FAM81A: variants seen among roughly 807,000 people sequenced by gnomAD.
FAM81A encodes protein FAM81A.
FAM81A carries 19 observed loss-of-function variants against 46.7 expected under a neutral mutation model. The ratio of observed to expected loss-of-function variants is 0.41; its 90% confidence interval spans 0.28 to 0.60. The LOEUF (loss-of-function observed/expected upper bound fraction) is 0.60. Among genes scored for constraint, FAM81A ranks in the 20% least tolerant of loss-of-function variants. FAM81A has a pLI of 0.34. For synonymous variants in FAM81A, 183 were observed against 152.9 expected, an observed-to-expected ratio of 1.20 and a Z score of -1.45; for missense variants, 377 against 453.5, an observed-to-expected ratio of 0.83 and a Z score of 1.53.
At position 59,492,258 on chromosome 15, in the gene FAM81A, T is replaced by C. The variant is rs759779199; in HGVS notation, c.295-13T>C. On this transcript the variant is annotated splice_polypyrimidine_tract_variant and intron_variant, in intron 3 of 8. Coordinates refer to ENST00000288228, the MANE Select transcript of FAM81A (RefSeq NM_152450.3). Reference sequence around the variant, plus strand: ...TCTTAGATGACTCCCTTAGTGTTTTTTATGTTGCCCAGGTACTCCAGGAGC... The same window carrying C: ...TCTTAGATGACTCCCTTAGTGTTTTCTATGTTGCCCAGGTACTCCAGGAGC... 1.9e-6 allele frequency: 3 copies of C among 1,595,410 alleles called. No individual in the cohort carries two copies. The Admixed American group carries it at 5.1e-5, about 27-fold the overall frequency.
chr15:59,452,894 C>G (rs2081436310), intron 1 of FAM81A, among the ~76,000 whole-genome samples: 1 of 152,084 alleles, frequency 6.6e-6, no homozygotes, highest in Non-Finnish European at 1.5e-5. Flanking sequence ...TCCTAAGTAG[C>G]TGGGACTGCA....
chr15:59,429,604 G>C (rs1226614163), intron 2 of FAM81A, among the ~76,000 whole-genome samples: 1 of 152,168 alleles, frequency 6.6e-6, no homozygotes, highest in Non-Finnish European at 1.5e-5. Flanking sequence ...GAGTCAAATT[G>C]ATTATGTTAA....
At chr15:59,508,199 T>G (rs1037111238) in intron 5 of FAM81A, among the ~76,000 whole-genome samples, 7 of 152,252 alleles carry the variant, frequency 4.6e-5, no homozygotes, top group Admixed American at 3.9e-4. Flanking sequence ...TAAGCTTCTT[T>G]ATAGCCAGGC....
At position 59,460,429 on chromosome 15, in the gene FAM81A, AT is replaced by A. The variant is rs2081538159; in HGVS notation, c.294+224del. 3.1e-6 allele frequency: 2 copies of A among 655,516 alleles called. No homozygotes were observed. Among genetic ancestry groups the A allele is most frequent in the Non-Finnish European group, 5.4e-6 (2 of 370,380 alleles). 40.6% of individuals were successfully genotyped at this position (655,516 alleles called of 1,614,324 possible). A position where few individuals can be genotyped will look rare whatever the true frequency, so the allele number is the denominator to read the frequency against. On this transcript the variant is annotated intron_variant, in intron 3 of 8. Transcript: ENST00000288228. The surrounding 1 kb of genome is among the most constrained non-coding windows in gnomAD (Gnocchi z 4.4). The stretch of plus-strand genomic sequence containing the variant: ...ACAGTTACTGTTAGTGTTATGTTTA[AT>A]CTAAATTTACCTTGCTGATTATTAA...
chr15:59,468,773 T>C (rs1370666884), intron 3 of FAM81A, among the ~76,000 whole-genome samples: 5 of 152,232 alleles, frequency 3.3e-5, no homozygotes, highest in Admixed American at 3.3e-4. Flanking sequence ...ATGTGTTTGC[T>C]CTTGCTTCTC....
intron 6 of FAM81A, among the ~76,000 whole-genome samples, chr15:59,509,434 C>T (rs1018322876): frequency 6.6e-6 from 1 of 152,136 alleles, no homozygotes; most frequent in Non-Finnish European, 1.5e-5. Context: ...GAATATATTA[C>T]CTTATATGGC....
intron 2 of FAM81A, among the ~76,000 whole-genome samples, chr15:59,427,545 C>T (rs1384886545): frequency 6.6e-6 from 1 of 152,036 alleles, no homozygotes; most frequent in South Asian, 2.1e-4. Flanking sequence ...CACACTGCCC[C>T]GCTAGGCCCC....
chr15:59,445,702 A>G (rs1450211854), intron 1 of FAM81A: 2 of 152,212 alleles, frequency 1.3e-5, no homozygotes, highest in Non-Finnish European at 2.9e-5. Flanking sequence ...AGTCACCACC[A>G]GCATTCTGTC....
intron 8 of FAM81A, among the ~76,000 whole-genome samples, chr15:59,519,313 C>T (rs756911115): frequency 6.6e-6 from 1 of 151,894 alleles, no homozygotes; most frequent in African/African-American, 2.4e-5. Context: ...CTCAGCCCCG[C>T]GGGTAGCTGG....
chr15:59,453,956 C>T (rs1476847004), intron 1 of FAM81A, among the ~76,000 whole-genome samples: 2 of 152,196 alleles, frequency 1.3e-5, no homozygotes, highest in Non-Finnish European at 2.9e-5. Context: ...CTCCCCATCT[C>T]CTCTGACTCC....
intron 2 of FAM81A, among the ~76,000 whole-genome samples, chr15:59,428,031 C>T (rs551869401): frequency 1.3e-5 from 2 of 152,300 alleles, no homozygotes; most frequent in South Asian, 2.1e-4. Flanking sequence ...CAACAGTGTA[C>T]GAGGATTCCC....
At chr15:59,450,227 G>A (rs939121834) in intron 1 of FAM81A, among the ~76,000 whole-genome samples, 5 of 151,040 alleles carry the variant, frequency 3.3e-5, no homozygotes, top group East Asian at 1.9e-4. Context: ...ACTGCACCTC[G>A]CTGCTAATTC....
At chr15:59,456,640 A>G (rs1469376534) in intron 1 of FAM81A, among the ~76,000 whole-genome samples, 2 of 152,158 alleles carry the variant, frequency 1.3e-5, no homozygotes, top group Admixed American at 1.3e-4. Flanking sequence ...CAGTGGCGCT[A>G]TCATGGCTCA....
In FAM81A at chr15:59,497,308, TG is replaced by T. The variant is rs1332695777; in HGVS notation, c.413+4921del. On this transcript the variant is annotated intron_variant, in intron 4 of 8. Coordinates refer to ENST00000288228, the MANE Select transcript of FAM81A (RefSeq NM_152450.3). ...TAAAAATACAAAAATTAGCCAGGTG[TG>T]GTAGTGGCCACCTGTAATCCCAGCT... is the stretch of plus-strand genomic sequence containing the variant. 4.6e-5 allele frequency among the ~76,000 whole-genome samples: 7 copies of T among 151,684 alleles called. No homozygotes were observed. In the South Asian group the frequency reaches 1.5e-3, roughly 32 times the overall value.
At position 59,523,039 on chromosome 15, in the gene FAM81A, TCTC is replaced by T. The variant is rs1394481777; in HGVS notation, c.*1663_*1665del. The T allele has an allele frequency of 1.3e-5, 2 of 152,244 alleles. No individual in the cohort carries two copies. The highest frequency in any genetic ancestry group is 2.9e-5 in the Non-Finnish European group (2 of 68,046). 9.4% of individuals were successfully genotyped at this position (152,244 alleles called of 1,614,324 possible). On this transcript the variant is annotated 3_prime_UTR_variant, in exon 9 of 9. Transcript: ENST00000288228. ...GTAGCGTACACGTGGTTCATGTGGT[TCTC>T]CACGTTTAAGCACAAACCACAGCAC...
chr15:59,487,215 A>T (rs1696900640), intron 3 of FAM81A, among the ~76,000 whole-genome samples: 2 of 146,750 alleles, frequency 1.4e-5, no homozygotes, highest in South Asian at 4.2e-4. Context: ...TATATATCTT[A>T]TATGTATATT....
intron 3 of FAM81A, among the ~76,000 whole-genome samples, chr15:59,468,449 G>A (rs959141404): frequency 1.1e-4 from 16 of 152,130 alleles, no homozygotes; most frequent in African/African-American, 2.9e-4. Flanking sequence ...GGGTGTGTGT[G>A]TCCAGGAATT....
At chr15:59,421,482 C>CA (rs1596463961) in intron 2 of FAM81A, among the ~76,000 whole-genome samples, 3 of 152,260 alleles carry the variant, frequency 2.0e-5, no homozygotes, top group East Asian at 1.9e-4. Context: ...CTGCTTAAGA[C>CA]TTCCCCCAAG....
At chr15:59,446,431 G>T (rs2081355125) in intron 1 of FAM81A, 4 of 152,314 alleles carry the variant, frequency 2.6e-5, no homozygotes, top group Admixed American at 2.0e-4. Flanking sequence ...GTGTATTGCA[G>T]ATTGGCCGCC....
Sources: allele counts gnomAD v4.1 joint callset (sites outside exome capture counted in the v4.1 genomes callset), GRCh38; gene constraint gnomAD v4.1.1; non-coding constraint Gnocchi (gnomAD v3.1); transcripts MANE v1.5; gene names NCBI Gene and HGNC (gene_info 2026-07-23, HGNC 2026-07-21).